CLCA2: variants seen among roughly 807,000 people sequenced by gnomAD.
CLCA2 encodes the protein calcium-activated chloride channel regulator 2.
Under a neutral mutation model 82.9 loss-of-function variants are expected in CLCA2, and 85 were observed. The observed-to-expected ratio is 1.03, with a 90% CI of 0.86 to 1.23. The LOEUF is 1.23. CLCA2 is among the 50% of genes most tolerant of loss of function. The pLI, the probability that CLCA2 is intolerant of heterozygous loss-of-function variation, is 0.00. For missense variants in CLCA2, 1,089 were observed against 1,124.8 expected, an observed-to-expected ratio of 0.97 and a Z score of 0.45; for synonymous variants, 421 against 391.7, an observed-to-expected ratio of 1.07 and a Z score of -0.88.
intron 8 of CLCA2, among the ~76,000 whole-genome samples, chr1:86,440,618 T>A (rs887266455): frequency 2.0e-5 from 3 of 152,072 alleles, no homozygotes; most frequent in Admixed American, 2.0e-4. Flanking sequence ...AAATGCTTTG[T>A]GGGCGGGCGC....
chr1:86,431,627 T>A lies in CLCA2; in HGVS notation c.584+657T>A, dbSNP rs1662500413. Among the ~76,000 whole-genome samples the A allele has an allele frequency of 2.0e-5, 3 of 152,248 alleles. No homozygotes were observed. In the South Asian group the frequency reaches 6.2e-4, roughly 31 times the overall value. On this transcript the variant is annotated intron_variant, in intron 4 of 13. Transcript: ENST00000370565. ...ATCAACAACATTTGAGATCGCTTGT[T>A]TAGGAAAGAATCCTGTTAAATATCA...
At position 86,453,658 on chromosome 1, in the gene CLCA2, A is replaced by C. The variant is rs1663019400; in HGVS notation, c.2389+56A>C. 7.7e-6 allele frequency: 11 copies of C among 1,430,796 alleles called. No individual in the cohort carries two copies. In the South Asian group the frequency reaches 1.3e-4, roughly 17 times the overall value. The allele number at this position is 1,430,796 out of a possible 1,614,324, so 88.6% of individuals were successfully genotyped here. A position where few individuals can be genotyped will look rare whatever the true frequency, so the allele number is the denominator to read the frequency against. Reference sequence around the variant, plus strand: ...CCATAAGACAGCATTTCTAATAACTAGGTCAGGGGCTAGTAGAACTGAAAA... The same window carrying C: ...CCATAAGACAGCATTTCTAATAACTCGGTCAGGGGCTAGTAGAACTGAAAA... On this transcript the variant is annotated intron_variant, in intron 13 of 13. Transcript: ENST00000370565.
At position 86,447,693 on chromosome 1, in the gene CLCA2, T is replaced by C; in HGVS notation, c.1899T>C (p.Tyr633=). The change falls in exon 11 of 14, where the codon TAT becomes TAC. Residue 633 remains tyrosine (Y), a synonymous_variant. Transcript: ENST00000370565. The part of the protein sequence containing the change: ...MIYANVKQGF[Y]PILNATVTAT... Reference sequence around the variant, plus strand: ...ATGCCAATGTGAAACAGGGATTTTATCCCATTCTTAATGCCACTGTCACTG... The same window carrying C: ...ATGCCAATGTGAAACAGGGATTTTACCCCATTCTTAATGCCACTGTCACTG... 6.2e-7 allele frequency: 1 copy of C among 1,614,120 alleles called. No homozygotes were observed. Among genetic ancestry groups the C allele is most frequent in the East Asian group, 2.2e-5 (1 of 44,878 alleles).
At chr1:86,452,134 C>G (rs1177932601) in intron 12 of CLCA2, among the ~76,000 whole-genome samples, 1 of 146,096 alleles carries the variant, frequency 6.8e-6, no homozygotes, top group Non-Finnish European at 1.5e-5. Context: ...TTCTCCTTAT[C>G]CTGCTTCTCC....
At chr1:86,453,344 C>T (rs773579224) in intron 12 of CLCA2, 25 bp from the exon 13 acceptor site, 17 of 1,578,886 alleles carry the variant, frequency 1.1e-5, no homozygotes, top group Non-Finnish European at 1.5e-5. Flanking sequence ...TGTCATTTTG[C>T]CTTTTTTTTT....
intron 5 of CLCA2, among the ~76,000 whole-genome samples, chr1:86,433,054 A>T (rs1357730030): frequency 1.3e-5 from 2 of 152,192 alleles, no homozygotes; most frequent in Non-Finnish European, 2.9e-5. Context: ...ATAAATCCAG[A>T]ATATTATTTT....
chr1:86,437,840 G>A (rs1259180230), intron 6 of CLCA2, among the ~76,000 whole-genome samples: 1 of 151,982 alleles, frequency 6.6e-6, no homozygotes, highest in Non-Finnish European at 1.5e-5. Context: ...GATGGCAATA[G>A]CTATTCTATT....
chr1:86,428,417 G>A lies in CLCA2; in HGVS notation c.325-1G>A, dbSNP rs373605799. ...ATTACAAGGCATTTCTTTTAATTTA[G>A]GCAAATGTCATAGTGACTGACTGGT... On this transcript the variant is annotated splice_acceptor_variant, in intron 2 of 13. Coordinates refer to ENST00000370565, the MANE Select transcript of CLCA2 (RefSeq NM_006536.7). LOFTEE classifies it high-confidence loss of function. 6.3e-7 allele frequency: 1 copy of A among 1,587,388 alleles called. No individual in the cohort carries two copies. The highest frequency in any genetic ancestry group is 8.6e-7 in the Non-Finnish European group (1 of 1,167,526).
rs374398470 is a variant in CLCA2 at position 86,430,883 on chromosome 1, G to C, written c.497G>C (p.Trp166Ser). 2.2e-5 allele frequency: 36 copies of C among 1,613,318 alleles called. No individual in the cohort carries two copies. The highest frequency in any genetic ancestry group is 2.9e-5 in the Non-Finnish European group (34 of 1,179,752). ...GSRGRVFVHEWAHLRWGVFDE... is the reference protein window; with the variant it reads ...GSRGRVFVHESAHLRWGVFDE... ...GCAGGCCGAGTGTTTGTCCATGAAT[G>C]GGCCCACCTCCGTTGGGGTGTGTTC... is the stretch of plus-strand genomic sequence containing the variant. Residue 166 changes from tryptophan to serine, a missense_variant, in exon 4 of 14, where the codon TGG becomes TCG. Transcript: ENST00000370565.
chr1:86,434,599 T>C lies in CLCA2; in HGVS notation c.826T>C (p.Trp276Arg). The C allele has an allele frequency of 6.2e-7, 1 of 1,614,078 alleles. No homozygotes were observed. Among genetic ancestry groups the C allele is most frequent in the Non-Finnish European group, 8.5e-7 (1 of 1,179,988 alleles). The change falls in exon 6 of 14, where the codon TGG becomes CGG. Residue 276 changes from tryptophan (W) to arginine (R), a missense_variant. Transcript: ENST00000370565. ...CCAGATGTGCAGCCTCAGAAGTGCA[T>C]GGGATGTAATCACAGACTCTGCTGA... The part of the protein sequence containing the change: ...QNQMCSLRSA[W>R]DVITDSADFH...
rs750282125 is a variant in CLCA2 at position 86,439,021 on chromosome 1, G to A, written c.1118G>A (p.Arg373Gln). 29 of 1,614,094 alleles carry A rather than the reference G, an allele frequency of 1.8e-5. No individual in the cohort carries two copies. The highest frequency in any genetic ancestry group is 1.1e-4 in the South Asian group (10 of 91,078). The change falls in exon 7 of 14, where the codon CGA (arginine) becomes CAA (glutamine). Residue 373 changes from arginine (R) to glutamine (Q), a missense_variant. By Grantham distance (43) the Arg-to-Gln change is conservative (BLOSUM62 1). Coordinates refer to ENST00000370565, the MANE Select transcript of CLCA2 (RefSeq NM_006536.7). ...QLHQINSNDD[R>Q]KLLVSYLPTT... The stretch of plus-strand genomic sequence containing the variant: ...CACCAAATTAACAGCAATGATGATC[G>A]AAAGTTGCTGGTTTCATATCTGCCC...
At chr1:86,440,768 G>A (rs1662713727) in intron 8 of CLCA2, among the ~76,000 whole-genome samples, 2 of 152,080 alleles carry the variant, frequency 1.3e-5, no homozygotes, top group South Asian at 4.1e-4. Flanking sequence ...GAGCATGGTG[G>A]CGGGTCCCTA....
chr1:86,440,987 G>A (rs1319094460), intron 8 of CLCA2, among the ~76,000 whole-genome samples: 1 of 152,014 alleles, frequency 6.6e-6, no homozygotes, highest in Non-Finnish European at 1.5e-5. Flanking sequence ...ACTAAATAAG[G>A]CACAGAATAA....
At chr1:86,449,561 T>C (rs1055273769) in intron 11 of CLCA2, among the ~76,000 whole-genome samples, 6 of 152,270 alleles carry the variant, frequency 3.9e-5, no homozygotes, top group African/African-American at 1.2e-4. Context: ...TCTATCTTGA[T>C]AATAAAATGT....
At chr1:86,440,858 G>T (rs1043345052) in intron 8 of CLCA2, among the ~76,000 whole-genome samples, 1 of 152,070 alleles carries the variant, frequency 6.6e-6, no homozygotes, top group South Asian at 2.1e-4. Flanking sequence ...CTGAGATCAC[G>T]CTACTGCACT....
At chr1:86,440,436 T>C in intron 8 of CLCA2, 111 bp downstream of exon 8, 1 of 1,029,940 alleles carries the variant, frequency 9.7e-7, no homozygotes. Flanking sequence ...AGAAATTGTT[T>C]TTAAAAAACG....
intron 3 of CLCA2, among the ~76,000 whole-genome samples, chr1:86,429,335 T>C (rs147065691): frequency 6.6e-6 from 1 of 152,164 alleles, no homozygotes; most frequent in African/African-American, 2.4e-5. Context: ...CGATGAGAAA[T>C]ACTCCAGAGA....
chr1:86,425,322 C>A lies in CLCA2; in HGVS notation c.187-17C>A, dbSNP rs1158506. 0.62 allele frequency: 940,086 copies of A among 1,521,370 alleles called. 292,560 individuals carry two copies. The highest frequency in any genetic ancestry group is 0.63 in the Non-Finnish European group (716,712 of 1,131,526). 94.2% of individuals were successfully genotyped at this position (1,521,370 alleles called of 1,614,324 possible). ...TTTACAAGTGGTAAAGTAAGTTTTT[C>A]TTTTGTCTGGCTGTAGGAAATGATA... On this transcript the variant is annotated splice_polypyrimidine_tract_variant and intron_variant, in intron 1 of 13. Transcript: ENST00000370565.
At position 86,447,743 on chromosome 1, in the gene CLCA2, A is replaced by G; in HGVS notation, c.1949A>G (p.Asp650Gly). The change falls in exon 11 of 14, where the codon GAT (aspartate) becomes GGT (glycine). Residue 650 changes from aspartate to glycine, a missense_variant. Coordinates refer to ENST00000370565, the MANE Select transcript of CLCA2 (RefSeq NM_006536.7). ...VTATVEPETG[D>G]PVTLRLLDDG... ...GCCACAGTTGAGCCAGAGACTGGAG[A>G]TCCTGTTACGCTGAGACTCCTTGAT... is the stretch of plus-strand genomic sequence containing the variant. 1 of 1,613,698 alleles carries G rather than the reference A, an allele frequency of 6.2e-7. No homozygotes were observed. Among genetic ancestry groups the G allele is most frequent in the Non-Finnish European group, 8.5e-7 (1 of 1,179,982 alleles).
Sources: gnomAD v4.1 joint callset for allele counts (sites outside exome capture counted in the v4.1 genomes callset) on GRCh38, gnomAD v4.1.1 for gene constraint, MANE v1.5 for transcripts, NCBI Gene and HGNC (gene_info 2026-07-23, HGNC 2026-07-21) for gene names.